The following TOM1L1 variants were observed in gnomAD, a reference collection of about 807,000 sequenced individuals.
TOM1L1 encodes target of myb1 like 1 membrane trafficking protein, also known as TOM1-like protein 1.
Under a neutral mutation model 63.4 loss-of-function variants are expected in TOM1L1, and 64 were observed. That is an observed-to-expected ratio of 1.01 (90% CI 0.83 to 1.24). The LOEUF (loss-of-function observed/expected upper bound fraction) is 1.24, where lower values mean the gene tolerates loss of function less well. Among genes scored for constraint, TOM1L1 ranks in the 50% most tolerant of loss-of-function variants. The pLI is 0.00. For missense variants in TOM1L1, 536 were observed against 567.0 expected (o/e 0.95, Z 0.55); for synonymous variants, 166 against 194.4 (o/e 0.85, Z 1.22).
At chr17:54,930,630 A>G (rs1036320206) in intron 8 of TOM1L1, among the ~76,000 whole-genome samples, 4 of 152,144 alleles carry the variant, frequency 2.6e-5, no homozygotes, top group African/African-American at 7.2e-5. Context: ...ATTTGAGGTC[A>G]GGAGTTCGAA....
intron 7 of TOM1L1, among the ~76,000 whole-genome samples, chr17:54,929,476 T>C (rs921374705): frequency 6.6e-6 from 1 of 152,198 alleles, no homozygotes; most frequent in Admixed American, 6.5e-5. Context: ...AATCCTGTTT[T>C]AGTTTGCCTC....
chr17:54,924,480 A>G (rs1233569291), intron 7 of TOM1L1, among the ~76,000 whole-genome samples: 1 of 151,882 alleles, frequency 6.6e-6, no homozygotes, highest in Non-Finnish European at 1.5e-5. Flanking sequence ...GGGTTTCACT[A>G]TGTTGTCCAG....
rs970937034 is a variant in TOM1L1 at position 54,915,667 on chromosome 17, A to C, written c.604-79A>C. On this transcript the variant is annotated intron_variant, in intron 6 of 15. Transcript: ENST00000575882. ...TTGCAAAAGCATTTTTTCATCCAGC[A>C]AATGTCCCATGGGGGCAGGAAACAA... The C allele has an allele frequency of 3.1e-6, 3 of 976,474 alleles. No individual in the cohort carries two copies. In the South Asian group the frequency reaches 8.5e-5, roughly 28 times the overall value. The allele number at this position is 976,474 out of a possible 1,614,324, so 60.5% of individuals were successfully genotyped here.
At chr17:54,961,140 CTCTCCAGCT>C (rs1216179477) in intron 15 of TOM1L1, 86 bp from the exon 16 acceptor site, 2 of 874,804 alleles carry the variant, frequency 2.3e-6, no homozygotes, top group African/African-American at 1.7e-5. Flanking sequence ...TAGACTGTGA[CTCTCCAGCT>C]TCCCAGTAAA....
intron 7 of TOM1L1, among the ~76,000 whole-genome samples, chr17:54,922,595 G>A (rs6504945): frequency 0.59 from 90,191 of 151,980 alleles, 27,320 homozygotes; most frequent in African/African-American, 0.69. Flanking sequence ...CCCTGTCTCA[G>A]TTTAAAAATT....
At position 54,913,773 on chromosome 17, in the gene TOM1L1, G is replaced by T. The variant is rs758686781; in HGVS notation, c.398G>T (p.Gly133Val). Residue 133 changes from glycine (G) to valine (V), a missense_variant, in exon 5 of 16, where the codon GGT becomes GTT. Transcript: ENST00000575882. Reference protein sequence around the residue: ...IKTWSQGFPGGVDVSEVKEVY... With the variant: ...IKTWSQGFPGVVDVSEVKEVY... ...ACTTGGTCACAGGGCTTCCCAGGAG[G>T]TGTGGATGTAAGCGAAGTCAAAGAA... is the stretch of plus-strand genomic sequence containing the variant. 16 of 1,611,670 alleles carry T rather than the reference G, an allele frequency of 9.9e-6. No homozygotes were observed. Among genetic ancestry groups the T allele is most frequent in the Non-Finnish European group, 1.4e-5 (16 of 1,178,624 alleles).
At chr17:54,953,486 A>C (rs1448498233) in intron 14 of TOM1L1, 1 of 152,256 alleles carries the variant, frequency 6.6e-6, no homozygotes, top group Non-Finnish European at 1.5e-5. Context: ...CCCATCCATC[A>C]GTTTCTTGTC....
intron 2 of TOM1L1, among the ~76,000 whole-genome samples, chr17:54,904,482 G>A (rs2048379215): frequency 6.6e-6 from 1 of 152,002 alleles, no homozygotes; most frequent in Admixed American, 6.6e-5. Context: ...TCAAGAAGCT[G>A]GTTGACTCCC....
chr17:54,958,618 C>T (rs2077016345), intron 14 of TOM1L1, among the ~76,000 whole-genome samples: 2 of 151,726 alleles, frequency 1.3e-5, no homozygotes, highest in Non-Finnish European at 2.9e-5. Flanking sequence ...GTAATTCCAA[C>T]TATTCGGGAG....
intron 8 of TOM1L1, among the ~76,000 whole-genome samples, chr17:54,934,913 T>G (rs1474291638): frequency 6.6e-6 from 1 of 152,168 alleles, no homozygotes; most frequent in African/African-American, 2.4e-5. Context: ...AGATGGGGTT[T>G]CACCATGTTG....
intron 14 of TOM1L1, chr17:54,953,094 G>A (rs1240918130): frequency 6.6e-6 from 1 of 152,302 alleles, no homozygotes; most frequent in Admixed American, 6.5e-5. Context: ...AAACTCAGCT[G>A]GTGGCCGGGA....
intron 14 of TOM1L1, chr17:54,954,718 C>T (rs534512113): frequency 1.3e-5 from 2 of 152,352 alleles, no homozygotes; most frequent in South Asian, 4.1e-4. Flanking sequence ...TAGGCCCCCA[C>T]ATGACTGATG....
At chr17:54,924,646 G>A (rs943088298) in intron 7 of TOM1L1, among the ~76,000 whole-genome samples, 4 of 152,084 alleles carry the variant, frequency 2.6e-5, no homozygotes, top group African/African-American at 7.2e-5. Flanking sequence ...TTGCATGGTC[G>A]TCAGCTGTCT....
In TOM1L1 at chr17:54,915,823, T is replaced by A. The variant is rs1453929237; in HGVS notation, c.681T>A (p.Thr227=). Residue 227 remains threonine, a synonymous_variant, in exon 7 of 16, where the codon ACT becomes ACA. Transcript: ENST00000575882. ...RVMSAILMEN[T]PGSENHEDIE... is the part of the protein sequence containing the mutation. ...TGTCCGCCATATTGATGGAGAATAC[T>A]CCTGGGTCTGAAAACCATGAAGACA... The A allele has an allele frequency of 3.7e-6, 6 of 1,613,950 alleles. No homozygotes were observed. Among genetic ancestry groups the A allele is most frequent in the Non-Finnish European group, 5.1e-6 (6 of 1,179,892 alleles).
intron 14 of TOM1L1, chr17:54,953,632 G>A (rs1463321827): frequency 6.6e-6 from 1 of 152,246 alleles, no homozygotes; most frequent in Non-Finnish European, 1.5e-5. Context: ...CAGGCCCTGA[G>A]TTCCATGGTG....
In TOM1L1 at chr17:54,938,982, G is replaced by A; in HGVS notation, c.1092G>A (p.Gln364=). ...ACTTAAAACCCAGTCTTCATCCACA[G>A]ATGAACTTGCTAGCCTTGGAGAATA... ...TNNLKPSLHP[Q]MNLLALENTE... Residue 364 remains glutamine (Q), a synonymous_variant, in exon 11 of 16, where the codon CAG becomes CAA. Coordinates refer to ENST00000575882, the MANE Select transcript of TOM1L1 (RefSeq NM_005486.3). 1.9e-6 allele frequency: 3 copies of A among 1,613,042 alleles called. No homozygotes were observed. The highest frequency in any genetic ancestry group is 1.1e-5 in the South Asian group (1 of 90,818).
chr17:54,941,069 G>A (rs2049025751), intron 11 of TOM1L1, among the ~76,000 whole-genome samples: 1 of 151,852 alleles, frequency 6.6e-6, no homozygotes, highest in African/African-American at 2.4e-5. Flanking sequence ...ATAATTATTT[G>A]TTAGGTTCTG....
intron 8 of TOM1L1, 26 bp downstream of exon 8, chr17:54,930,232 C>A (rs773659812): frequency 6.2e-7 from 1 of 1,613,030 alleles, no homozygotes; most frequent in South Asian, 1.1e-5. Context: ...ACCCTCTTTA[C>A]CCCTCTTCCA....
Position 54,961,330 on chromosome 17 carries a change from C to A in TOM1L1, c.*97C>A. The A allele has an allele frequency of 6.4e-7, 1 of 1,551,524 alleles. No homozygotes were observed. Among genetic ancestry groups the A allele is most frequent in the Non-Finnish European group, 8.7e-7 (1 of 1,146,868 alleles). Reference sequence around the variant, plus strand: ...TTTGAAGCCTGGAAGACAATACCTACCAACATGTCAAAGCCATGGTGGCAC... The same window carrying A: ...TTTGAAGCCTGGAAGACAATACCTAACAACATGTCAAAGCCATGGTGGCAC... On this transcript the variant is annotated 3_prime_UTR_variant, in exon 16 of 16. Coordinates refer to ENST00000575882, the MANE Select transcript of TOM1L1 (RefSeq NM_005486.3).
Sources: gnomAD v4.1 joint callset for allele counts (sites outside exome capture counted in the v4.1 genomes callset) on GRCh38, gnomAD v4.1.1 for gene constraint, MANE v1.5 for transcripts, NCBI Gene and HGNC (gene_info 2026-07-23, HGNC 2026-07-21) for gene names.